The following PSMD11 variants were observed in gnomAD, a reference collection of about 807,000 sequenced individuals.
The protein encoded by PSMD11 is 26S proteasome non-ATPase regulatory subunit 11.
In PSMD11, 5 loss-of-function variants were observed where a neutral mutation model predicts 62.3. That is an observed-to-expected ratio of 0.08 (90% CI 0.04 to 0.17). The LOEUF is 0.17. Among genes scored for constraint, PSMD11 ranks in the 10% least tolerant of loss-of-function variants. The probability of loss-of-function intolerance (pLI) is 1.00; values close to 1 mark genes in which losing one functional copy is unlikely to be tolerated. For synonymous variants in PSMD11, 191 were observed against 191.8 expected (o/e 1.00, Z 0.03); for missense variants, 310 against 512.9 (o/e 0.60, Z 3.82).
intron 8 of PSMD11, among the ~76,000 whole-genome samples, chr17:32,475,947 G>C: frequency 6.6e-6 from 1 of 151,940 alleles, no homozygotes; most frequent in East Asian, 1.9e-4. Flanking sequence ...ACCAGGAGCT[G>C]ACCTGAAACT....
intron 8 of PSMD11, chr17:32,476,567 A>T (rs1908328051): frequency 6.6e-6 from 1 of 152,220 alleles, no homozygotes; most frequent in Admixed American, 6.5e-5. Context: ...AGCTTCTCTT[A>T]GTCCCTTGCG....
chr17:32,452,807 T>C (rs1457771605), intron 2 of PSMD11, among the ~76,000 whole-genome samples: 2 of 152,164 alleles, frequency 1.3e-5, no homozygotes, highest in African/African-American at 4.8e-5. Context: ...CCTGGAGCAA[T>C]CGTTTTCATT....
intron 8 of PSMD11, among the ~76,000 whole-genome samples, chr17:32,476,497 A>G (rs1025073951): frequency 1.3e-5 from 2 of 152,218 alleles, no homozygotes; most frequent in Non-Finnish European, 2.9e-5. Context: ...GCCTTGCACC[A>G]TGTAGTCTAC....
chr17:32,476,120 C>T (rs1437153596), intron 8 of PSMD11, among the ~76,000 whole-genome samples: 8 of 151,962 alleles, frequency 5.3e-5, no homozygotes, highest in Admixed American at 2.6e-4. Flanking sequence ...AAAAATTAGC[C>T]GGGCATGGTA....
chr17:32,480,511 T>A lies in PSMD11; in HGVS notation c.1149T>A (p.Gly383=). 1 of 1,614,010 alleles carries A rather than the reference T, an allele frequency of 6.2e-7. No individual in the cohort carries two copies. Among genetic ancestry groups the A allele is most frequent in the Non-Finnish European group, 8.5e-7 (1 of 1,180,006 alleles). ...KFHGILDQGE[G]VLIIFDEPPV... The stretch of plus-strand genomic sequence containing the variant: ...CAGGGATTTTGGACCAGGGGGAGGG[T>A]GTCCTGATTATTTTCGATGAACCCC... The change falls in exon 13 of 14, where the codon GGT becomes GGA. Residue 383 remains glycine, a synonymous_variant. Transcript: ENST00000261712.
In PSMD11 at chr17:32,481,129, C is replaced by T. The variant is rs992530837; in HGVS notation, c.*377C>T. 2 of 155,060 alleles carry T rather than the reference C, an allele frequency of 1.3e-5. No homozygotes were observed. Among genetic ancestry groups the T allele is most frequent in the Non-Finnish European group, 2.9e-5 (2 of 70,104 alleles). 9.6% of individuals were successfully genotyped at this position (155,060 alleles called of 1,614,324 possible). On this transcript the variant is annotated 3_prime_UTR_variant, in exon 14 of 14. Coordinates refer to ENST00000261712, the MANE Select transcript of PSMD11 (RefSeq NM_002815.4). ...CTGCTGGGCATCACCTCTCCTCCTCCTCAGAATTGGGTGTTTGCTGACCAT... is the reference window on the plus strand; with the variant it reads ...CTGCTGGGCATCACCTCTCCTCCTCTTCAGAATTGGGTGTTTGCTGACCAT...
intron 5 of PSMD11, among the ~76,000 whole-genome samples, 186 bp from the exon 6 acceptor site, chr17:32,468,813 G>A: frequency 6.6e-6 from 1 of 151,984 alleles, no homozygotes; most frequent in South Asian, 2.1e-4. Flanking sequence ...AAAGAGGTGT[G>A]TTTTTCTCTT....
chr17:32,483,034 G>A lies in PSMD11; in HGVS notation c.*2282G>A, dbSNP rs1332435700. The A allele has an allele frequency of 6.6e-6, 1 of 152,208 alleles. No homozygotes were observed. Among genetic ancestry groups the A allele is most frequent in the African/African-American group, 2.4e-5 (1 of 41,458 alleles). The allele number at this position is 152,208 out of a possible 1,614,324, so 9.4% of individuals were successfully genotyped here. ...CTCAAACTTAGGGCAGTCCTGAGAT[G>A]CTCAGGCAGTAGCCCTTTTCTCAGT... is the stretch of plus-strand genomic sequence containing the variant. On this transcript the variant is annotated 3_prime_UTR_variant, in exon 14 of 14. Coordinates refer to ENST00000261712, the MANE Select transcript of PSMD11 (RefSeq NM_002815.4).
At position 32,444,607 on chromosome 17, in the gene PSMD11, C is replaced by T. The variant is rs745541437; in HGVS notation, c.84C>T (p.His28=). Residue 28 remains histidine (H), a synonymous_variant, in exon 1 of 14, where the codon CAC becomes CAT. Coordinates refer to ENST00000261712, the MANE Select transcript of PSMD11 (RefSeq NM_002815.4). The stretch of plus-strand genomic sequence containing the variant: ...GGGAGGCCTCCATCGACATCCTCCA[C>T]TCCATCGGTAAAGGTCGCCGCGCCG... ...TDREASIDIL[H]SIVKRDIQEN... is the part of the protein sequence containing the mutation. 1.1e-5 allele frequency: 17 copies of T among 1,611,492 alleles called. No homozygotes were observed. The highest frequency in any genetic ancestry group is 5.9e-6 in the Non-Finnish European group (7 of 1,179,296).
intron 5 of PSMD11, 64 bp from the exon 6 acceptor site, chr17:32,468,935 A>G: frequency 1.4e-6 from 2 of 1,411,262 alleles, no homozygotes; most frequent in Non-Finnish European, 9.5e-7. Context: ...TGAGGGTGGG[A>G]GAGTGAGCTA....
At chr17:32,462,007 T>G (rs557720781) in intron 3 of PSMD11, among the ~76,000 whole-genome samples, 1 of 152,308 alleles carries the variant, frequency 6.6e-6, no homozygotes, top group Non-Finnish European at 1.5e-5. Context: ...GTGAATCACT[T>G]AGTGTCTGGA....
chr17:32,479,090 G>C (rs1418292569), intron 9 of PSMD11, among the ~76,000 whole-genome samples, 161 bp from the exon 10 acceptor site: 4 of 152,056 alleles, frequency 2.6e-5, no homozygotes, highest in Admixed American at 2.6e-4. Flanking sequence ...TTCAGTTCTT[G>C]ACATTCCTTT....
At chr17:32,470,479 AT>A (rs1908134575) in intron 6 of PSMD11, among the ~76,000 whole-genome samples, 3 of 151,546 alleles carry the variant, frequency 2.0e-5, no homozygotes, top group Non-Finnish European at 4.4e-5. Flanking sequence ...TGCCCAGCTA[AT>A]TTTTGTATTT....
intron 2 of PSMD11, chr17:32,447,444 CA>C (rs1244224548): frequency 6.4e-6 from 1 of 155,998 alleles, no homozygotes; most frequent in African/African-American, 2.4e-5. Context: ...GACTCACTGT[CA>C]TTTTTTTTTG....
At chr17:32,465,163 CAGGCTGGAGTGCAGCAGT>C (rs1907957953) in intron 5 of PSMD11, among the ~76,000 whole-genome samples, 1 of 151,810 alleles carries the variant, frequency 6.6e-6, no homozygotes, top group Non-Finnish European at 1.5e-5. Context: ...CTCTGTTGCC[CAGGCTGGAGTGCAGCAGT>C]GTGATCTCAG....
At chr17:32,466,081 C>T (rs774470890) in intron 5 of PSMD11, among the ~76,000 whole-genome samples, 4 of 152,158 alleles carry the variant, frequency 2.6e-5, no homozygotes, top group Non-Finnish European at 4.4e-5. Context: ...CTGCAACCTC[C>T]GTCTCCTGTG....
intron 5 of PSMD11, among the ~76,000 whole-genome samples, chr17:32,468,763 C>T (rs934747186): frequency 6.6e-6 from 1 of 152,128 alleles, no homozygotes; most frequent in Non-Finnish European, 1.5e-5. Flanking sequence ...GCTCATAGGA[C>T]TGTTGGCTCT....
At chr17:32,448,585 C>T (rs1907398588) in intron 2 of PSMD11, among the ~76,000 whole-genome samples, 1 of 151,810 alleles carries the variant, frequency 6.6e-6, no homozygotes, top group Admixed American at 6.6e-5. Context: ...GTTGGTCAGG[C>T]TGGTCTTGAA....
At chr17:32,449,703 T>C (rs1257333796) in intron 2 of PSMD11, among the ~76,000 whole-genome samples, 4 of 152,182 alleles carry the variant, frequency 2.6e-5, no homozygotes, top group African/African-American at 9.7e-5. Flanking sequence ...GTTTGATGAG[T>C]ATAGGTATAC....
Sources: gnomAD v4.1 joint callset for allele counts (sites outside exome capture counted in the v4.1 genomes callset) on GRCh38, gnomAD v4.1.1 for gene constraint, MANE v1.5 for transcripts, NCBI Gene and HGNC (gene_info 2026-07-23, HGNC 2026-07-21) for gene names.